IL1R1: variants seen among roughly 807,000 people sequenced by gnomAD.
IL1R1 encodes interleukin-1 receptor type 1.
In IL1R1, 22 loss-of-function variants were observed where a neutral mutation model predicts 50.2. The ratio of observed to expected loss-of-function variants is 0.44; its 90% CI spans 0.31 to 0.63. The LOEUF (loss-of-function observed/expected upper bound fraction) is 0.63. Ranked by LOEUF, IL1R1 falls within the 20% of genes least tolerant of loss-of-function variation. The pLI, the probability that IL1R1 is intolerant of heterozygous loss-of-function variation, is 0.07. For synonymous variants in IL1R1, 251 were observed against 236.7 expected (o/e 1.06, Z -0.55); for missense variants, 509 against 676.2 (o/e 0.75, Z 2.74).
In IL1R1 at chr2:102,083,318, G is replaced by A. The variant is rs1436015798; in HGVS notation, c.-84+12785G>A. On this transcript the variant is annotated intron_variant, in intron 1 of 11. Transcript: ENST00000409929. ...CATCAGCTGATGACTCGTACTGACA[G>A]TGTCTAGAATAGAACTTTTTTTTTC... Among the ~76,000 whole-genome samples, 3 of 152,190 alleles carry A rather than the reference G, an allele frequency of 2.0e-5. No individual in the cohort carries two copies. The East Asian group carries it at 5.8e-4, about 29-fold the overall frequency.
chr2:102,090,253 C>CA (rs1284927350), intron 1 of IL1R1, among the ~76,000 whole-genome samples: 2 of 151,812 alleles, frequency 1.3e-5, no homozygotes, highest in Non-Finnish European at 2.9e-5. Context: ...CCTAAATCCC[C>CA]ACAAAGGTTC....
At chr2:102,148,817 A>C (rs1331874718) in intron 1 of IL1R1, among the ~76,000 whole-genome samples, 3 of 152,154 alleles carry the variant, frequency 2.0e-5, no homozygotes, top group Admixed American at 2.0e-4. Flanking sequence ...TGTTTTTAAC[A>C]ATGATGGGGA....
intron 1 of IL1R1, among the ~76,000 whole-genome samples, chr2:102,108,315 G>A (rs2104356937): frequency 6.6e-6 from 1 of 152,126 alleles, no homozygotes; most frequent in African/African-American, 2.4e-5. Flanking sequence ...GTGTGTTACA[G>A]CAGTGCATGG....
chr2:102,102,037 C>A (rs556960840), upstream of IL1R1, among the ~76,000 whole-genome samples: 1 of 152,238 alleles, frequency 6.6e-6, no homozygotes, highest in South Asian at 2.1e-4. Flanking sequence ...AGTGCAGATT[C>A]CTCCAATTTT....
chr2:102,161,630 A>G (rs1047028650), intron 3 of IL1R1, among the ~76,000 whole-genome samples: 4 of 152,206 alleles, frequency 2.6e-5, no homozygotes, highest in African/African-American at 9.7e-5. Flanking sequence ...TAGCAGCTAC[A>G]TAAACATTTG....
chr2:102,142,561 C>T (rs1682734410), upstream of IL1R1: 1 of 152,012 alleles, frequency 6.6e-6, no homozygotes, highest in African/African-American at 2.4e-5. Flanking sequence ...ACCGGCGGGA[C>T]CCCTGCGGGC....
chr2:102,135,192 G>A (rs1682277599), intron 1 of IL1R1, among the ~76,000 whole-genome samples: 1 of 152,100 alleles, frequency 6.6e-6, no homozygotes, highest in African/African-American at 2.4e-5. Flanking sequence ...CTGATTTTAT[G>A]AACCTATGCC....
intron 1 of IL1R1, among the ~76,000 whole-genome samples, chr2:102,087,810 CTTT>C (rs1185123199): frequency 6.8e-6 from 1 of 146,536 alleles, no homozygotes; most frequent in East Asian, 2.2e-4. Flanking sequence ...TCAGTTCTTT[CTTT>C]ATAGCAGTGT....
chr2:102,093,684 T>G (rs1345947725), intron 1 of IL1R1, among the ~76,000 whole-genome samples: 1 of 152,242 alleles, frequency 6.6e-6, no homozygotes, highest in East Asian at 1.9e-4. Flanking sequence ...ATTTTTCAAT[T>G]GGCTTATTTA....
intron 1 of IL1R1, among the ~76,000 whole-genome samples, chr2:102,115,630 T>A (rs1681027066): frequency 6.6e-6 from 1 of 152,088 alleles, no homozygotes; most frequent in Non-Finnish European, 1.5e-5. Flanking sequence ...TAGTTGCCTG[T>A]TTCTCCTGGT....
intron 10 of IL1R1, 118 bp from the exon 11 acceptor site, chr2:102,175,360 A>T: frequency 2.6e-6 from 2 of 764,996 alleles, no homozygotes; most frequent in Non-Finnish European, 4.5e-6. Context: ...TGCTTCAGTC[A>T]TGCCATTGTA....
upstream of IL1R1, chr2:102,141,769 C>G (rs1239410745): frequency 1.3e-5 from 2 of 152,226 alleles, no homozygotes; most frequent in Non-Finnish European, 2.9e-5. Context: ...TTTATTAAAA[C>G]TCTTCTTGGA....
chr2:102,114,980 C>T (rs971618838), intron 1 of IL1R1, among the ~76,000 whole-genome samples: 7 of 152,232 alleles, frequency 4.6e-5, no homozygotes, highest in African/African-American at 9.6e-5. Context: ...GCTGCTGCCT[C>T]GGTGACATAC....
chr2:102,150,756 C>A (rs770538055), intron 1 of IL1R1, among the ~76,000 whole-genome samples: 8 of 152,282 alleles, frequency 5.3e-5, no homozygotes, highest in Non-Finnish European at 1.0e-4. Flanking sequence ...TGGCTGACTC[C>A]CTGGGTCTGG....
intron 1 of IL1R1, among the ~76,000 whole-genome samples, chr2:102,083,531 C>A (rs1679308026): frequency 6.6e-6 from 1 of 152,112 alleles, no homozygotes; most frequent in Admixed American, 6.5e-5. Context: ...ACGGGCTCTT[C>A]CATCCTTGGG....
At chr2:102,077,600 T>C (rs1679025891) in intron 1 of IL1R1, among the ~76,000 whole-genome samples, 1 of 152,236 alleles carries the variant, frequency 6.6e-6, no homozygotes, top group Admixed American at 6.5e-5. Flanking sequence ...TGCTCTGTGT[T>C]AGTTCTGCAT....
intron 1 of IL1R1, among the ~76,000 whole-genome samples, chr2:102,107,334 C>T (rs1276493233): frequency 6.6e-6 from 1 of 152,094 alleles, no homozygotes; most frequent in African/African-American, 2.4e-5. Context: ...GAGTTCATGT[C>T]CTTTGTAGGG....
At position 102,152,304 on chromosome 2, in the gene IL1R1, G is replaced by A. The variant is rs1010082517; in HGVS notation, c.-83-1637G>A. 2.0e-5 allele frequency among the ~76,000 whole-genome samples: 3 copies of A among 151,540 alleles called. No individual in the cohort carries two copies. In the East Asian group the frequency reaches 5.8e-4, roughly 30 times the overall value. On this transcript the variant is annotated intron_variant, in intron 1 of 11. Coordinates refer to ENST00000410023, the MANE Select transcript of IL1R1 (RefSeq NM_000877.4). ...GTGGATCACGAGGTCAGGAGATCGA[G>A]ACCATCCTGGCTAACACGGTGAAAC...
At chr2:102,078,740 T>C (rs1577792362) in intron 1 of IL1R1, among the ~76,000 whole-genome samples, 1 of 152,248 alleles carries the variant, frequency 6.6e-6, no homozygotes, top group Non-Finnish European at 1.5e-5. Context: ...GAATTCATCC[T>C]AGAAAGTCAG....
Sources: allele counts gnomAD v4.1 joint callset (sites outside exome capture counted in the v4.1 genomes callset), GRCh38; gene constraint gnomAD v4.1.1; transcripts MANE v1.5; gene names NCBI Gene and HGNC (gene_info 2026-07-23, HGNC 2026-07-21).